FRMD3: variants seen among roughly 807,000 people sequenced by gnomAD.
FRMD3 encodes FERM domain containing 3.
A neutral mutation model predicts 70.2 loss-of-function variants in FRMD3; 33 were observed. That is an observed-to-expected ratio of 0.47 (90% CI 0.36 to 0.63). FRMD3 has a LOEUF of 0.63. FRMD3 is among the 20% of genes least tolerant of loss of function. FRMD3 has a pLI of 0.00. For missense variants in FRMD3, 632 were observed against 711.4 expected, an observed-to-expected ratio of 0.89 and a Z score of 1.27; for synonymous variants, 279 against 255.9, an observed-to-expected ratio of 1.09 and a Z score of -0.86.
intron 13 of FRMD3, among the ~76,000 whole-genome samples, chr9:83,263,003 G>T (rs1833058667): frequency 1.3e-5 from 2 of 152,148 alleles, no homozygotes; most frequent in African/African-American, 4.8e-5. Context: ...AGGGGAGGGG[G>T]CCTGAGGGGA....
At chr9:83,442,121 G>A (rs1231948696) in intron 1 of FRMD3, among the ~76,000 whole-genome samples, 1 of 152,104 alleles carries the variant, frequency 6.6e-6, no homozygotes, top group Admixed American at 6.6e-5. Flanking sequence ...GACTCAGTTT[G>A]CTCAGATTTG....
Position 83,511,672 on chromosome 9 carries a change from T to C in FRMD3, c.147+26413A>G, listed in dbSNP as rs370038196. 7.9e-5 allele frequency among the ~76,000 whole-genome samples: 12 copies of C among 152,312 alleles called. No individual in the cohort carries two copies. The East Asian group carries it at 1.3e-3, about 17-fold the overall frequency. On this transcript the variant is annotated intron_variant, in intron 1 of 13. Coordinates refer to ENST00000304195, the MANE Select transcript of FRMD3 (RefSeq NM_174938.6). ...AATAAAGAAGTAGCTGCTGTACCTC[T>C]TGGCTTTCATTTCAGCACAGTTTTC...
chr9:83,374,658 G>A (rs1825086934), intron 2 of FRMD3, among the ~76,000 whole-genome samples: 2 of 152,288 alleles, frequency 1.3e-5, no homozygotes, highest in African/African-American at 4.8e-5. Flanking sequence ...TAGGGCCATT[G>A]CGAGGATTTA....
chr9:83,281,579 T>C (rs1833972360), intron 13 of FRMD3: 1 of 152,226 alleles, frequency 6.6e-6, no homozygotes, highest in African/African-American at 2.4e-5. Flanking sequence ...TGGGAAGCTC[T>C]GCTACTGAAT....
rs578023615 is a variant in FRMD3, at chr9:83,509,121, G to C, written c.147+28964C>G. On this transcript the variant is annotated intron_variant, in intron 1 of 13. Coordinates refer to ENST00000304195, the MANE Select transcript of FRMD3 (RefSeq NM_174938.6). ...TTCAGGAGAATGTAAGCTCCATGAG[G>C]ACCGGAATTTCTGTGTGTTTTTTCC... is the stretch of plus-strand genomic sequence containing the variant. Among the ~76,000 whole-genome samples the C allele has an allele frequency of 2.0e-5, 3 of 151,996 alleles. No individual in the cohort carries two copies. In the South Asian group the frequency reaches 6.2e-4, roughly 32 times the overall value.
intron 1 of FRMD3, among the ~76,000 whole-genome samples, chr9:83,495,498 A>G: frequency 6.6e-6 from 1 of 152,244 alleles, no homozygotes; most frequent in East Asian, 1.9e-4. Flanking sequence ...AGGGTGTTAG[A>G]ATAACGGCAA....
intron 13 of FRMD3, among the ~76,000 whole-genome samples, chr9:83,282,539 AT>A (rs34420024): frequency 0.17 from 25,334 of 148,054 alleles, 2,239 homozygotes; most frequent in African/African-American, 0.23. Context: ...ACAGTCTTGG[AT>A]TTTTTTTTTT....
chr9:83,363,553 C>CTT (rs34789292), intron 3 of FRMD3, among the ~76,000 whole-genome samples: 31,821 of 112,952 alleles, frequency 0.28, 5,797 homozygotes, highest in Non-Finnish European at 0.34. Context: ...GAGACATAGG[C>CTT]TTTTTTTTTT....
chr9:83,376,604 T>C (rs77156310), intron 2 of FRMD3, among the ~76,000 whole-genome samples: 1,835 of 145,022 alleles, frequency 0.013, 32 homozygotes, highest in African/African-American at 0.046. Context: ...TAGATTGTGC[T>C]ATATTCCTTT....
intron 1 of FRMD3, among the ~76,000 whole-genome samples, chr9:83,472,341 A>G (rs1046328589): frequency 3.9e-5 from 6 of 152,294 alleles, no homozygotes; most frequent in African/African-American, 9.6e-5. Flanking sequence ...TTCAAGGAAC[A>G]TCTGTTATGA....
chr9:83,484,240 C>T (rs1828634605), intron 1 of FRMD3, among the ~76,000 whole-genome samples: 1 of 152,164 alleles, frequency 6.6e-6, no homozygotes, highest in Admixed American at 6.5e-5. Context: ...CTGGGGCACA[C>T]ATTTGAGCAT....
chr9:83,301,692 G>A (rs1464277255), intron 10 of FRMD3, among the ~76,000 whole-genome samples: 1 of 152,214 alleles, frequency 6.6e-6, no homozygotes, highest in Non-Finnish European at 1.5e-5. Flanking sequence ...CTTAGCTCTG[G>A]CCCTTCCAGG....
At chr9:83,285,850 C>G (rs936638086) in intron 13 of FRMD3, among the ~76,000 whole-genome samples, 3 of 152,192 alleles carry the variant, frequency 2.0e-5, no homozygotes, top group Non-Finnish European at 4.4e-5. Context: ...CTCATAAGCT[C>G]TAAGTGGCAC....
intron 13 of FRMD3, among the ~76,000 whole-genome samples, chr9:83,261,392 C>A (rs11139998): frequency 6.6e-6 from 1 of 151,964 alleles, no homozygotes; most frequent in Non-Finnish European, 1.5e-5. Context: ...GTTGCTCTCC[C>A]CACCTGCTGA....
At chr9:83,531,373 A>T (rs1829788601) in intron 1 of FRMD3, among the ~76,000 whole-genome samples, 2 of 152,258 alleles carry the variant, frequency 1.3e-5, no homozygotes, top group Admixed American at 6.5e-5. Context: ...AAGTCAATAC[A>T]CTTTGCCTTT....
rs571288385 is a variant in FRMD3, at chr9:83,427,191, G to A, written c.148-37483C>T. Among the ~76,000 whole-genome samples, 3 of 152,324 alleles carry A rather than the reference G, an allele frequency of 2.0e-5. No homozygotes were observed. In the East Asian group the frequency reaches 5.8e-4, roughly 29 times the overall value. ...CAGAAACCCATGAGAATGGCCTGAG[G>A]AGTATAGGCTTGGGAAGCAGCCAGG... On this transcript the variant is annotated intron_variant, in intron 1 of 13. Coordinates refer to ENST00000304195, the MANE Select transcript of FRMD3 (RefSeq NM_174938.6).
Position 83,372,971 on chromosome 9 carries a change from A to T in FRMD3, c.253-16T>A. On this transcript the variant is annotated splice_polypyrimidine_tract_variant and intron_variant, in intron 2 of 13. Coordinates refer to ENST00000304195, the MANE Select transcript of FRMD3 (RefSeq NM_174938.6). Reference sequence around the variant, plus strand: ...CAAGCCAGTGCTAGGGAGGAAAAAAAAAAAAGCAGAGATCAGGGGTCAAAT... The same window carrying T: ...CAAGCCAGTGCTAGGGAGGAAAAAATAAAAAGCAGAGATCAGGGGTCAAAT... 1 of 1,609,934 alleles carries T rather than the reference A, an allele frequency of 6.2e-7. No individual in the cohort carries two copies. The highest frequency in any genetic ancestry group is 8.5e-7 in the Non-Finnish European group (1 of 1,178,042).
At chr9:83,573,063 C>T in the FRMD3 span, among the ~76,000 whole-genome samples, 2 of 151,186 alleles carry the variant, frequency 1.3e-5, no homozygotes, top group South Asian at 4.1e-4. Flanking sequence ...ATGGTAAGTA[C>T]AGGGATGACT....
intron 13 of FRMD3, among the ~76,000 whole-genome samples, chr9:83,256,019 T>A (rs1832690842): frequency 6.6e-6 from 1 of 152,054 alleles, no homozygotes; most frequent in South Asian, 2.1e-4. Flanking sequence ...TAAACAAAAA[T>A]ATTTTAAAAT....
Sources: gnomAD v4.1 joint callset for allele counts (sites outside exome capture counted in the v4.1 genomes callset) on GRCh38, gnomAD v4.1.1 for gene constraint, MANE v1.5 for transcripts, NCBI Gene and HGNC (gene_info 2026-07-23, HGNC 2026-07-21) for gene names.